Variants in PHEX observed in about 807,000 individuals in gnomAD.
PHEX encodes the protein phosphate-regulating neutral endopeptidase PHEX.
Under a neutral mutation model 68.0 loss-of-function variants are expected in PHEX, and 16 were observed. That is an observed-to-expected ratio of 0.24 (90% CI 0.16 to 0.36). The LOEUF (loss-of-function observed/expected upper bound fraction) is 0.36. Ranked by LOEUF, PHEX falls within the 10% of genes least tolerant of loss-of-function variation. PHEX has a pLI of 1.00. For synonymous variants in PHEX, 208 were observed against 205.1 expected (o/e 1.01, Z -0.12); for missense variants, 480 against 575.5 (o/e 0.83, Z 1.70).
chrX:22,040,875 CAGTT>C (rs1282696067), intron 2 of PHEX, among the ~76,000 whole-genome samples: 56 of 104,821 alleles, frequency 5.3e-4, no homozygotes, highest in African/African-American at 1.9e-3. Context: ...GTGGAGGGCT[CAGTT>C]AGAGGGAGTC....
intron 12 of PHEX, among the ~76,000 whole-genome samples, chrX:22,155,019 C>T (rs1273121933): frequency 8.9e-6 from 1 of 112,591 alleles, no homozygotes; most frequent in African/African-American, 3.2e-5. Context: ...TTAAGCAATT[C>T]GCCTGCCTCA....
rs34735126 is a variant in PHEX, at chrX:22,118,199, G to GTT, written c.1302+3624_1302+3625dup. On this transcript the variant is annotated intron_variant, in intron 11 of 21. Coordinates refer to ENST00000379374, the MANE Select transcript of PHEX (RefSeq NM_000444.6). ...CAGATTCTCATTGCATTTTAACAAG[G>GTT]TTTTTTTTTTTTAAGTTGTGTTTGG... is the stretch of plus-strand genomic sequence containing the variant. Among the ~76,000 whole-genome samples the GTT allele has an allele frequency of 3.1e-3, 312 of 101,274 alleles. 4 individuals carry two copies. The highest frequency in any genetic ancestry group is 0.01 in the African/African-American group (280 of 27,658). The allele number at this position is 101,274 out of a possible 115,157, so 87.9% of individuals were successfully genotyped here.
intron 3 of PHEX, among the ~76,000 whole-genome samples, chrX:22,071,818 C>T (rs1008256365): frequency 8.9e-6 from 1 of 112,747 alleles, no homozygotes; most frequent in Non-Finnish European, 1.9e-5. Flanking sequence ...TAAACTGTCA[C>T]CGGGCGCGGT....
At chrX:22,152,274 T>A (rs1206346762) in intron 12 of PHEX, among the ~76,000 whole-genome samples, 1 of 111,767 alleles carries the variant, frequency 8.9e-6, no homozygotes. Flanking sequence ...TAGGGTAGGA[T>A]TTGGATCTGA....
At chrX:22,037,229 G>C (rs1337514078) in intron 1 of PHEX, among the ~76,000 whole-genome samples, 2 of 111,148 alleles carry the variant, frequency 1.8e-5, no homozygotes, top group Non-Finnish European at 3.8e-5. Context: ...GGAAAAGCAG[G>C]CTCCATTTAG....
At chrX:22,075,673 T>C (rs1407411552) in intron 3 of PHEX, among the ~76,000 whole-genome samples, 1 of 111,945 alleles carries the variant, frequency 8.9e-6, no homozygotes, top group African/African-American at 3.2e-5. Context: ...CAACTATCAT[T>C]TTCTACCTTC....
At chrX:22,078,551 G>A (rs778032303) in intron 5 of PHEX, among the ~76,000 whole-genome samples, 1 of 112,047 alleles carries the variant, frequency 8.9e-6, no homozygotes, top group African/African-American at 3.2e-5. Context: ...TTGTAGACAT[G>A]TATTGCCCTC....
At chrX:22,116,423 G>A (rs1931234179) in intron 11 of PHEX, among the ~76,000 whole-genome samples, 2 of 111,460 alleles carry the variant, frequency 1.8e-5, no homozygotes, top group Admixed American at 9.6e-5. Context: ...AAAGATCCAG[G>A]CATGATTAAT....
intron 20 of PHEX, among the ~76,000 whole-genome samples, chrX:22,229,857 G>A (rs960396901): frequency 1.4e-4 from 16 of 112,118 alleles, no homozygotes; most frequent in African/African-American, 5.2e-4. Flanking sequence ...TTTCTTCTAG[G>A]ATTTTTATGG....
chrX:22,233,825 A>T (rs755341197), intron 20 of PHEX, among the ~76,000 whole-genome samples: 1 of 111,339 alleles, frequency 9.0e-6, no homozygotes, highest in Non-Finnish European at 1.9e-5. Context: ...AATTCGTCAA[A>T]ATCATTCTCC....
chrX:22,154,331 T>C (rs994363232), intron 12 of PHEX, among the ~76,000 whole-genome samples: 15 of 110,801 alleles, frequency 1.4e-4, no homozygotes, highest in African/African-American at 4.9e-4. Context: ...GATAACACAG[T>C]GTTGGGGGTT....
intron 13 of PHEX, chrX:22,172,036 T>C (rs1240585740): frequency 8.9e-6 from 1 of 111,804 alleles, no homozygotes; most frequent in Non-Finnish European, 1.9e-5. Context: ...AATTAAGAGG[T>C]AAATATGCAA....
At chrX:22,061,770 T>C (rs951757130) in intron 3 of PHEX, among the ~76,000 whole-genome samples, 10 of 111,696 alleles carry the variant, frequency 9.0e-5, no homozygotes, top group Non-Finnish European at 1.7e-4. Flanking sequence ...GTAAAAGCCC[T>C]GAAAACTAGG....
intron 11 of PHEX, among the ~76,000 whole-genome samples, chrX:22,115,897 G>A (rs1243476862): frequency 8.9e-6 from 1 of 112,340 alleles, no homozygotes; most frequent in African/African-American, 3.2e-5. Flanking sequence ...TGGCTATTAT[G>A]AATAATGCTG....
At chrX:22,188,319 C>T (rs1934095053) in intron 14 of PHEX, among the ~76,000 whole-genome samples, 1 of 111,592 alleles carries the variant, frequency 9.0e-6, no homozygotes, top group Non-Finnish European at 1.9e-5. Flanking sequence ...CCTCCTGCCT[C>T]AGCCTCCCAA....
Position 22,168,344 on chromosome X carries a change from A to G in PHEX, c.1437A>G (p.Pro479=), listed in dbSNP as rs141436752. The change falls in exon 13 of 22, where the codon CCA becomes CCG. Residue 479 remains proline, a synonymous_variant. Coordinates refer to ENST00000379374, the MANE Select transcript of PHEX (RefSeq NM_000444.6). ...CTGTTTTGGCAAAAGTTGGCTATCC[A>G]GAGTTTATAATGAATGATACTCATG... ...ARAVLAKVGY[P]EFIMNDTHVN... The G allele has an allele frequency of 2.7e-4, 326 of 1,197,083 alleles. No individual in the cohort carries two copies. The highest frequency in any genetic ancestry group is 3.5e-4 in the Non-Finnish European group (311 of 883,594).
chrX:22,196,310 T>C (rs745928903), intron 15 of PHEX, among the ~76,000 whole-genome samples: 49 of 112,695 alleles, frequency 4.3e-4, no homozygotes, highest in Non-Finnish European at 7.9e-4. Context: ...GAGCTAATAA[T>C]AGGTTGCCTC....
intron 20 of PHEX, among the ~76,000 whole-genome samples, chrX:22,244,642 A>ATATC (rs1239915586): frequency 9.0e-6 from 1 of 111,274 alleles, no homozygotes; most frequent in African/African-American, 3.3e-5. Flanking sequence ...TTTAGAGTCT[A>ATATC]TATCTTGGCA....
Position 22,032,996 on chromosome X carries a change from G to A in PHEX, c.-10G>A, listed in dbSNP as rs1057515841. 4 of 1,170,097 alleles carry A rather than the reference G, an allele frequency of 3.4e-6. No homozygotes were observed. The highest frequency in any genetic ancestry group is 3.6e-5 in the African/African-American group (2 of 55,897). On this transcript the variant is annotated 5_prime_UTR_variant, in exon 1 of 22. Coordinates refer to ENST00000379374, the MANE Select transcript of PHEX (RefSeq NM_000444.6). ...GACTTTCTTCTCGTGTGCTCTCTAC[G>A]GCCCTTCTGATGGAAGCAGAAACAG...
Sources: allele counts gnomAD v4.1 joint callset (sites outside exome capture counted in the v4.1 genomes callset), GRCh38; gene constraint gnomAD v4.1.1; transcripts MANE v1.5; gene names NCBI Gene and HGNC (gene_info 2026-07-23, HGNC 2026-07-21).